MITF: variants seen among roughly 807,000 people sequenced by gnomAD.
MITF encodes the protein microphthalmia-associated transcription factor.
Under a neutral mutation model 60.5 loss-of-function variants are expected in MITF, and 17 were observed. That is an observed-to-expected ratio of 0.28 (90% CI 0.19 to 0.42). MITF has a LOEUF of 0.42. Ranked by LOEUF, MITF falls within the 10% of genes least tolerant of loss-of-function variation. The pLI is 1.00. For missense variants in MITF, 622 were observed against 683.5 expected (o/e 0.91, Z 1.00); for synonymous variants, 260 against 248.5 (o/e 1.05, Z -0.43).
chr3:69,831,092 T>C (rs777903134), intron 1 of MITF, among the ~76,000 whole-genome samples: 67 of 152,086 alleles, frequency 4.4e-4, no homozygotes, highest in Non-Finnish European at 8.2e-4. Context: ...GAGGCTGAAA[T>C]GAGATGATGT....
At chr3:69,946,958 TTCTC>T (rs1359771807) in intron 5 of MITF, among the ~76,000 whole-genome samples, 1 of 152,100 alleles carries the variant, frequency 6.6e-6, no homozygotes, top group Non-Finnish European at 1.5e-5. Flanking sequence ...GCAGAAAGCA[TTCTC>T]TCTCTCAGTC....
At chr3:69,881,920 GA>G (rs1284705950) in intron 2 of MITF, among the ~76,000 whole-genome samples, 1 of 152,072 alleles carries the variant, frequency 6.6e-6, no homozygotes, top group Non-Finnish European at 1.5e-5. Context: ...AGTGGAGGTA[GA>G]TGTATACAAT....
intron 6 of MITF, among the ~76,000 whole-genome samples, chr3:69,950,396 C>T (rs2066212788): frequency 6.8e-6 from 1 of 147,840 alleles, no homozygotes; most frequent in Non-Finnish European, 1.5e-5. Flanking sequence ...GAAAAAAAAA[C>T]TAGAAAATGA....
At chr3:69,787,230 C>T (rs2062665265) in intron 1 of MITF, among the ~76,000 whole-genome samples, 2 of 152,148 alleles carry the variant, frequency 1.3e-5, no homozygotes, top group South Asian at 4.1e-4. Context: ...ACACCAGAAC[C>T]ATGTTCCACT....
chr3:69,767,729 G>C (rs1208327124), intron 1 of MITF, among the ~76,000 whole-genome samples: 3 of 152,208 alleles, frequency 2.0e-5, no homozygotes. Flanking sequence ...TGTGGCTGGA[G>C]CACCAGGGAG....
At chr3:69,824,757 T>C (rs1256931837) in intron 1 of MITF, among the ~76,000 whole-genome samples, 1 of 152,162 alleles carries the variant, frequency 6.6e-6, no homozygotes, top group Non-Finnish European at 1.5e-5. Flanking sequence ...CCGCACCTGG[T>C]AGCCAGCAGC....
At chr3:69,839,380 CTT>C (rs5849927) in intron 1 of MITF, among the ~76,000 whole-genome samples, 4 of 139,192 alleles carry the variant, frequency 2.9e-5, no homozygotes, top group African/African-American at 5.4e-5. Flanking sequence ...ATGTGATTTT[CTT>C]TTTTTTTTTT....
At chr3:69,954,767 C>T (rs2066354074) in intron 7 of MITF, among the ~76,000 whole-genome samples, 1 of 152,126 alleles carries the variant, frequency 6.6e-6, no homozygotes. Context: ...TTTATACAAG[C>T]CTAATGGTAG....
chr3:69,851,553 A>T (rs902762528), intron 1 of MITF, among the ~76,000 whole-genome samples: 5 of 152,210 alleles, frequency 3.3e-5, no homozygotes, highest in African/African-American at 1.2e-4. Flanking sequence ...CAAAAAACAG[A>T]CTCAAAAGCC....
At chr3:69,902,014 T>C (rs1455791204) in intron 2 of MITF, among the ~76,000 whole-genome samples, 1 of 152,180 alleles carries the variant, frequency 6.6e-6, no homozygotes, top group African/African-American at 2.4e-5. Flanking sequence ...TATAACTGTT[T>C]GCTTTGCATT....
intron 2 of MITF, among the ~76,000 whole-genome samples, chr3:69,903,279 G>A (rs1294123672): frequency 6.6e-6 from 1 of 152,138 alleles, no homozygotes; most frequent in African/African-American, 2.4e-5. Flanking sequence ...CTTGTAATCT[G>A]TATTTTTATA....
chr3:69,951,649 C>T (rs922692726), intron 6 of MITF, among the ~76,000 whole-genome samples, 163 bp from the exon 7 acceptor site: 1 of 151,890 alleles, frequency 6.6e-6, no homozygotes, highest in African/African-American at 2.4e-5. Flanking sequence ...CTTTTGAAAA[C>T]ATGCAAGCTT....
chr3:69,867,370 A>C (rs2107231706), intron 1 of MITF, among the ~76,000 whole-genome samples: 1 of 152,306 alleles, frequency 6.6e-6, no homozygotes. Context: ...GTGTGGGTTA[A>C]AGTTCATCAT....
intron 1 of MITF, among the ~76,000 whole-genome samples, chr3:69,742,644 A>G (rs1703569704): frequency 6.6e-6 from 1 of 151,794 alleles, no homozygotes; most frequent in Admixed American, 6.6e-5. Context: ...CCCAGTGCTC[A>G]CTCCCCCACC....
chr3:69,948,383 G>A lies in MITF; in HGVS notation c.763-668G>A, dbSNP rs936974229. Among the ~76,000 whole-genome samples the A allele has an allele frequency of 1.3e-4, 20 of 151,810 alleles. 1 individual carries two copies. Among genetic ancestry groups the A allele is most frequent in the African/African-American group, 2.4e-5 (1 of 41,302 alleles). ...AAAACTCTGACGCTAGCTTGGGGAA[G>A]GCTAAATATTTCTTTTACTTTTTTT... On this transcript the variant is annotated intron_variant, in intron 5 of 9. Transcript: ENST00000352241.
intron 1 of MITF, among the ~76,000 whole-genome samples, chr3:69,773,170 A>G (rs1191140437): frequency 2.6e-5 from 4 of 152,298 alleles, no homozygotes; most frequent in Admixed American, 2.6e-4. Flanking sequence ...GAGTAAGTAC[A>G]TAGTATCTGG....
chr3:69,779,369 C>T (rs930402276), intron 1 of MITF, among the ~76,000 whole-genome samples: 1 of 152,070 alleles, frequency 6.6e-6, no homozygotes, highest in Non-Finnish European at 1.5e-5. Context: ...CTATGACACA[C>T]TGAAGGTGCA....
intron 1 of MITF, among the ~76,000 whole-genome samples, chr3:69,743,763 T>G (rs745444318): frequency 6.6e-5 from 10 of 152,282 alleles, no homozygotes; most frequent in African/African-American, 9.6e-5. Context: ...CACATAGGCA[T>G]AGTCATGGCA....
At position 69,924,580 on chromosome 3, in the gene MITF, A is replaced by G. The variant is rs553456592; in HGVS notation, c.355-13242A>G. On this transcript the variant is annotated intron_variant, in intron 2 of 9. Coordinates refer to ENST00000352241, the MANE Select transcript of MITF (RefSeq NM_001354604.2). ...GAATGAACCCTTCGCGTAACCCATCACCCAGCTTCGAGAGTTATTGACTCG... is the reference window on the plus strand; with the variant it reads ...GAATGAACCCTTCGCGTAACCCATCGCCCAGCTTCGAGAGTTATTGACTCG... Among the ~76,000 whole-genome samples the G allele has an allele frequency of 1.2e-4, 19 of 152,264 alleles. No homozygotes were observed. The East Asian group carries it at 2.7e-3, about 22-fold the overall frequency.
Sources: gnomAD v4.1 joint callset for allele counts (sites outside exome capture counted in the v4.1 genomes callset) on GRCh38, gnomAD v4.1.1 for gene constraint, MANE v1.5 for transcripts, NCBI Gene and HGNC (gene_info 2026-07-23, HGNC 2026-07-21) for gene names.